Variants in CFAP70 observed in about 807,000 individuals in gnomAD.
The protein encoded by CFAP70 is cilia- and flagella-associated protein 70.
Under a neutral mutation model 137.6 loss-of-function variants are expected in CFAP70, and 81 were observed. The observed-to-expected ratio is 0.59, with a 90% CI of 0.49 to 0.71. CFAP70 has a LOEUF of 0.71. Ranked by LOEUF, CFAP70 falls within the 30% of genes least tolerant of loss-of-function variation. The probability of loss-of-function intolerance (pLI) is 0.00; values close to 1 mark genes in which losing one functional copy is unlikely to be tolerated. For missense variants in CFAP70, 976 were observed against 1,226.7 expected (o/e 0.80, Z 3.05); for synonymous variants, 382 against 423.6 (o/e 0.90, Z 1.20).
chr10:73,335,064 T>C (rs1301814293), intron 7 of CFAP70, among the ~76,000 whole-genome samples: 187 of 121,208 alleles, frequency 1.5e-3, no homozygotes, highest in South Asian at 5.4e-3. Flanking sequence ...CTTCTTCTTT[T>C]TTTTTTTTTT....
intron 9 of CFAP70, among the ~76,000 whole-genome samples, chr10:73,316,479 TAGATATAG>T (rs57028411): frequency 0.011 from 1,282 of 112,456 alleles, 13 homozygotes; most frequent in African/African-American, 0.043. Flanking sequence ...TATATATATA[TAGATATAG>T]ATATATATAT....
chr10:73,257,884 T>C (rs2044682105), intron 25 of CFAP70, among the ~76,000 whole-genome samples: 1 of 148,996 alleles, frequency 6.7e-6, no homozygotes, highest in Non-Finnish European at 1.5e-5. Context: ...TTCTTTTTTT[T>C]TTTTTTTTTT....
intron 1 of CFAP70, among the ~76,000 whole-genome samples, chr10:73,355,119 T>G (rs1451740649): frequency 6.6e-6 from 1 of 152,134 alleles, no homozygotes; most frequent in Non-Finnish European, 1.5e-5. Flanking sequence ...ATACCCTACA[T>G]CAGGGGTCCC....
At chr10:73,309,818 G>A (rs1268023201) in intron 12 of CFAP70, among the ~76,000 whole-genome samples, 2 of 151,472 alleles carry the variant, frequency 1.3e-5, no homozygotes, top group Non-Finnish European at 2.9e-5. Flanking sequence ...CGCCATGCCC[G>A]GCTAATTTTT....
rs374851554 is a variant in CFAP70 at position 73,353,534 on chromosome 10, T to G, written c.250+22A>C. 191 of 1,601,876 alleles carry G rather than the reference T, an allele frequency of 1.2e-4. 6 individuals carry two copies. Among genetic ancestry groups the G allele is most frequent in the East Asian group, 8.1e-4 (36 of 44,500 alleles). ...GGAAGAAGGCAATCGGGACATTGAT[T>G]TTTAGAACCACAAGGACTTACAGAA... On this transcript the variant is annotated intron_variant, in intron 3 of 26. Coordinates refer to ENST00000310715, the Ensembl canonical transcript of CFAP70.
At chr10:73,356,462 T>G (rs961174507) in intron 1 of CFAP70, among the ~76,000 whole-genome samples, 1 of 152,320 alleles carries the variant, frequency 6.6e-6, no homozygotes, top group African/African-American at 2.4e-5. Flanking sequence ...CCTCCCAAAG[T>G]GCTGGGATTA....
chr10:73,297,680 C>T (rs979844328), intron 14 of CFAP70, among the ~76,000 whole-genome samples: 4 of 152,166 alleles, frequency 2.6e-5, no homozygotes, highest in African/African-American at 9.7e-5. Flanking sequence ...CAAAGAGAGA[C>T]AAGTATAGAA....
At chr10:73,266,534 T>C (rs1016830963) in intron 25 of CFAP70, among the ~76,000 whole-genome samples, 1 of 152,200 alleles carries the variant, frequency 6.6e-6, no homozygotes, top group Non-Finnish European at 1.5e-5. Context: ...ACATTTTCCT[T>C]ATCTTGTTCC....
intron 16 of CFAP70, 152 bp from the exon 18 acceptor site, chr10:73,292,166 G>A: frequency 1.1e-6 from 1 of 915,898 alleles, no homozygotes; most frequent in Non-Finnish European, 1.6e-6. Context: ...AATGCCTAGT[G>A]CAATCACTGT....
At chr10:73,328,933 G>A (rs2051767304) in intron 8 of CFAP70, among the ~76,000 whole-genome samples, 1 of 149,518 alleles carries the variant, frequency 6.7e-6, no homozygotes, top group Non-Finnish European at 1.5e-5. Flanking sequence ...TCAGTGTGGC[G>A]ATTCCTCAGG....
At chr10:73,316,727 CCTTT>C (rs1307058473) in intron 9 of CFAP70, among the ~76,000 whole-genome samples, 3 of 151,734 alleles carry the variant, frequency 2.0e-5, no homozygotes, top group Non-Finnish European at 4.4e-5. Flanking sequence ...TATCCTCCTT[CCTTT>C]ATGCTATTAT....
intron 25 of CFAP70, among the ~76,000 whole-genome samples, chr10:73,266,605 A>G (rs960354883): frequency 6.6e-6 from 1 of 152,138 alleles, no homozygotes; most frequent in Non-Finnish European, 1.5e-5. Context: ...AGATTTTGGG[A>G]CATGTAGTTT....
chr10:73,291,261 C>T, exon 19 of CFAP70: 1 of 1,614,156 alleles, frequency 6.2e-7, no homozygotes, highest in South Asian at 1.1e-5. Flanking sequence ...TGTTGCAGAA[C>T]CATTTGTGAT....
At chr10:73,309,269 A>G (rs1393892913) in intron 12 of CFAP70, among the ~76,000 whole-genome samples, 1 of 152,254 alleles carries the variant, frequency 6.6e-6, no homozygotes, top group Non-Finnish European at 1.5e-5. Context: ...AGATGAATGC[A>G]CAGTTTCCTA....
At chr10:73,277,214 A>G in intron 21 of CFAP70, 26 bp downstream of exon 22, 3 of 1,598,912 alleles carry the variant, frequency 1.9e-6, no homozygotes, top group Non-Finnish European at 2.6e-6. Context: ...CTTTCCATCT[A>G]CTTGCCCTTT....
exon 9 of CFAP70, chr10:73,322,963 C>T (rs1191927033): frequency 1.9e-6 from 3 of 1,580,136 alleles, no homozygotes; most frequent in African/African-American, 1.4e-5. Context: ...TTTTTCTTAC[C>T]TTTTCATGGA....
chr10:73,362,191 A>G (rs187492330), upstream of CFAP70, among the ~76,000 whole-genome samples: 57 of 152,316 alleles, frequency 3.7e-4, no homozygotes, highest in Middle Eastern at 6.8e-3. Flanking sequence ...TGGTACAAGG[A>G]AAAACAATGT....
intron 25 of CFAP70, among the ~76,000 whole-genome samples, chr10:73,259,281 C>CATTA (rs2044881671): frequency 6.6e-6 from 1 of 152,156 alleles, no homozygotes; most frequent in Non-Finnish European, 1.5e-5. Flanking sequence ...CCAATAAGTG[C>CATTA]TAATACCATA....
Position 73,278,795 on chromosome 10 carries a change from C to T in CFAP70, c.2240-458G>A, listed in dbSNP as rs1352527408. Reference sequence around the variant, plus strand: ...GGAGATCCAGTACCATCCTGGCTAACGCAGTGAAACCCCATCTCTACTAAA... The same window carrying T: ...GGAGATCCAGTACCATCCTGGCTAATGCAGTGAAACCCCATCTCTACTAAA... On this transcript the variant is annotated intron_variant, in intron 19 of 26. Transcript: ENST00000310715. Among the ~76,000 whole-genome samples, 10 of 151,146 alleles carry T rather than the reference C, an allele frequency of 6.6e-5. No homozygotes were observed. The East Asian group carries it at 7.9e-4, about 12-fold the overall frequency.
Sources: gnomAD v4.1 joint callset for allele counts (sites outside exome capture counted in the v4.1 genomes callset) on GRCh38, gnomAD v4.1.1 for gene constraint, MANE v1.5 for transcripts, NCBI Gene and HGNC (gene_info 2026-07-23, HGNC 2026-07-21) for gene names.